CPEB4: variants seen among roughly 807,000 people sequenced by gnomAD.
CPEB4 encodes the protein cytoplasmic polyadenylation element-binding protein 4.
In CPEB4, 12 loss-of-function variants were observed where a neutral mutation model predicts 72.5. The ratio of observed to expected loss-of-function variants is 0.17; its 90% CI spans 0.11 to 0.27. CPEB4 has a LOEUF of 0.27. CPEB4 is among the 10% of genes least tolerant of loss of function. CPEB4 has a pLI of 1.00. For missense variants in CPEB4, 614 were observed against 908.5 expected (o/e 0.68, Z 4.17); for synonymous variants, 302 against 326.3 (o/e 0.93, Z 0.80).
chr5:173,903,592 C>G (rs181612508), intron 1 of CPEB4, among the ~76,000 whole-genome samples: 1 of 152,186 alleles, frequency 6.6e-6, no homozygotes, highest in East Asian at 1.9e-4. Flanking sequence ...GTGATTCTGA[C>G]GTACTCTCAA....
chr5:173,894,976 A>AT (rs1246807442), intron 1 of CPEB4, among the ~76,000 whole-genome samples: 1 of 152,242 alleles, frequency 6.6e-6, no homozygotes, highest in Non-Finnish European at 1.5e-5. Flanking sequence ...TTAAACTTAG[A>AT]TAATATTTTG....
intron 8 of CPEB4, among the ~76,000 whole-genome samples, chr5:173,952,665 T>C (rs1758251129): frequency 6.6e-6 from 1 of 152,192 alleles, no homozygotes; most frequent in South Asian, 2.1e-4. Context: ...ACAAAGAGTC[T>C]ACCAGTTAGT....
chr5:173,890,314 G>A lies in CPEB4; in HGVS notation c.581G>A (p.Gly194Glu), dbSNP rs1755761373. ...NEDASFFHQG[G>E]VPAASANNGA... ...GATGCAAGTTTCTTTCACCAGGGAG[G>A]GGTCCCTGCTGCTTCGGCTAATAAC... The change falls in exon 1 of 10, where the codon GGG becomes GAG. Residue 194 changes from glycine to glutamate, a missense_variant. Around this residue, in one of 5 missense-constraint regions of CPEB4, gnomAD observed 458 missense variants for 548.6 expected, o/e 0.83. Coordinates refer to ENST00000265085, the MANE Select transcript of CPEB4 (RefSeq NM_030627.4). The A allele has an allele frequency of 3.1e-6, 5 of 1,613,970 alleles. No homozygotes were observed. Among genetic ancestry groups the A allele is most frequent in the Admixed American group, 3.3e-5 (2 of 59,990 alleles).
At chr5:173,898,319 TAAAAAA>T (rs1756099524) in intron 1 of CPEB4, among the ~76,000 whole-genome samples, 2 of 152,094 alleles carry the variant, frequency 1.3e-5, no homozygotes, top group Admixed American at 1.3e-4. Flanking sequence ...TATGAGACCT[TAAAAAA>T]ATAAAAATAT....
rs2113108724 is a variant in CPEB4, at chr5:173,889,945, A to G, written c.212A>G (p.Gln71Arg). The G allele has an allele frequency of 6.2e-7, 1 of 1,614,208 alleles. No individual in the cohort carries two copies. ...LFPAPATHNIQDEILGSEKAK... is the reference protein window; with the variant it reads ...LFPAPATHNIRDEILGSEKAK... Reference sequence around the variant, plus strand: ...CCTGCTCCAGCTACCCATAACATTCAGGATGAGATCTTGGGGTCAGAAAAA... The same window carrying G: ...CCTGCTCCAGCTACCCATAACATTCGGGATGAGATCTTGGGGTCAGAAAAA... Residue 71 changes from glutamine to arginine, a missense_variant, in exon 1 of 10, where the codon CAG (glutamine) becomes CGG (arginine). Physicochemically the swap from Gln to Arg is conservative, Grantham distance 43. This residue lies in a region of CPEB4 where 458 missense variants were observed against 548.6 expected (regional missense o/e 0.83). Coordinates refer to ENST00000265085, the MANE Select transcript of CPEB4 (RefSeq NM_030627.4).
chr5:173,904,448 G>C (rs1367140531), intron 1 of CPEB4, among the ~76,000 whole-genome samples: 2 of 152,132 alleles, frequency 1.3e-5, no homozygotes, highest in Non-Finnish European at 2.9e-5. Flanking sequence ...GGAAAAGGAA[G>C]ATAAGATTTC....
chr5:173,904,529 T>C (rs1036076049), intron 1 of CPEB4, among the ~76,000 whole-genome samples: 2 of 152,176 alleles, frequency 1.3e-5, no homozygotes, highest in African/African-American at 2.4e-5. Context: ...AAAGGTAATA[T>C]TTGTATAAGT....
rs1425039356 is a variant in CPEB4 at position 173,955,162 on chromosome 5, T to C, written c.1963-748T>C. Among the ~76,000 whole-genome samples, 1 of 152,204 alleles carries C rather than the reference T, an allele frequency of 6.6e-6. No individual in the cohort carries two copies. Among genetic ancestry groups the C allele is most frequent in the Non-Finnish European group, 1.5e-5 (1 of 68,036 alleles). ...AAATAACCAGCTCTTTTCTAGCTGATGAATTAATAACCAGGTGACTGTTAA... is the reference window on the plus strand; with the variant it reads ...AAATAACCAGCTCTTTTCTAGCTGACGAATTAATAACCAGGTGACTGTTAA... On this transcript the variant is annotated intron_variant, in intron 9 of 9. Coordinates refer to ENST00000265085, the MANE Select transcript of CPEB4 (RefSeq NM_030627.4). This position sits in a 1 kb window ranked among gnomAD's most constrained non-coding sequence, Gnocchi z 4.7.
chr5:173,952,032 C>A (rs1758231965), intron 8 of CPEB4, 94 bp downstream of exon 8: 1 of 813,568 alleles, frequency 1.2e-6, no homozygotes, highest in Non-Finnish European at 2.1e-6. Flanking sequence ...GAGTTAATAT[C>A]CAAGAGTGAG....
At position 173,890,364 on chromosome 5, in the gene CPEB4, C is replaced by A; in HGVS notation, c.631C>A (p.Pro211Thr). ...CGGTGCTCTGTTGTTTCAAAATTTC[C>A]CCCATCATGTCAGCCCTGGCTTTGG... Reference protein sequence around the residue: ...NNGALLFQNFPHHVSPGFGGS... With the variant: ...NNGALLFQNFTHHVSPGFGGS... The change falls in exon 1 of 10, where the codon CCC (proline) becomes ACC (threonine). Residue 211 changes from proline to threonine, a missense_variant. By Grantham distance (38) the Pro-to-Thr change is conservative (BLOSUM62 -1). Coordinates refer to ENST00000265085, the MANE Select transcript of CPEB4 (RefSeq NM_030627.4). 6.2e-7 allele frequency: 1 copy of A among 1,614,078 alleles called. No homozygotes were observed. Among genetic ancestry groups the A allele is most frequent in the Non-Finnish European group, 8.5e-7 (1 of 1,180,020 alleles).
chr5:173,902,764 A>G (rs897701869), intron 1 of CPEB4, among the ~76,000 whole-genome samples: 7 of 152,234 alleles, frequency 4.6e-5, no homozygotes, highest in African/African-American at 1.4e-4. Flanking sequence ...CAAATTTTAC[A>G]AGAAAATTCA....
chr5:173,951,414 T>C (rs1758212722), intron 7 of CPEB4, among the ~76,000 whole-genome samples: 3 of 152,218 alleles, frequency 2.0e-5, no homozygotes, highest in Admixed American at 6.5e-5. Flanking sequence ...TTGCATTTCC[T>C]AGACATACAC....
intron 3 of CPEB4, among the ~76,000 whole-genome samples, chr5:173,941,762 C>T (rs1181408554): frequency 6.6e-6 from 1 of 152,094 alleles, no homozygotes; most frequent in East Asian, 1.9e-4. Flanking sequence ...CCTGTGGTAC[C>T]AGGTACTGGG....
intron 2 of CPEB4, among the ~76,000 whole-genome samples, chr5:173,917,891 G>A (rs563362386): frequency 6.6e-6 from 1 of 152,272 alleles, no homozygotes; most frequent in Admixed American, 6.5e-5. Flanking sequence ...ACTCAGAGTC[G>A]GCCGGCAGCT....
At chr5:173,895,719 C>G (rs555185863) in intron 1 of CPEB4, among the ~76,000 whole-genome samples, 2 of 152,270 alleles carry the variant, frequency 1.3e-5, no homozygotes, top group African/African-American at 4.8e-5. Context: ...GGTTCTAGAT[C>G]TAGCAGAACT....
At chr5:173,917,757 A>T (rs1756924629) in intron 2 of CPEB4, among the ~76,000 whole-genome samples, 1 of 152,186 alleles carries the variant, frequency 6.6e-6, no homozygotes, top group Non-Finnish European at 1.5e-5. Context: ...GAAATGGATA[A>T]CGCAAACCAG....
chr5:173,890,422 C>T lies in CPEB4; in HGVS notation c.689C>T (p.Ser230Leu). Residue 230 changes from serine (S) to leucine (L), a missense_variant, in exon 1 of 10, where the codon TCA (serine) becomes TTA (leucine). Transcript: ENST00000265085. ...TTCTCTCCTCAGATCGGGCCTCTCTCACAGCACCACCCACATCACCCTCAT... is the reference window on the plus strand; with the variant it reads ...TTCTCTCCTCAGATCGGGCCTCTCTTACAGCACCACCCACATCACCCTCAT... Reference protein sequence around the residue: ...GSFSPQIGPLSQHHPHHPHFQ... With the variant: ...GSFSPQIGPLLQHHPHHPHFQ... 1 of 1,613,730 alleles carries T rather than the reference C, an allele frequency of 6.2e-7. No homozygotes were observed. Among genetic ancestry groups the T allele is most frequent in the Non-Finnish European group, 8.5e-7 (1 of 1,179,762 alleles).
At chr5:173,904,727 T>TC (rs35367428) in intron 1 of CPEB4, among the ~76,000 whole-genome samples, 118,762 of 151,684 alleles carry the variant, frequency 0.78, 46,756 homozygotes, top group East Asian at 0.87. Flanking sequence ...TGGGTTTGAA[T>TC]CTGACTATGC....
chr5:173,890,258 A>C lies in CPEB4; in HGVS notation c.525A>C (p.Ile175=). The C allele has an allele frequency of 6.2e-7, 1 of 1,614,082 alleles. No individual in the cohort carries two copies. The highest frequency in any genetic ancestry group is 8.5e-7 in the Non-Finnish European group (1 of 1,179,982). ...LTGFSNWSAA[I]APSSSTIINE... Reference sequence around the variant, plus strand: ...GTTTCAGTAACTGGTCAGCAGCGATAGCGCCTTCCTCCTCTACAATAATCA... The same window carrying C: ...GTTTCAGTAACTGGTCAGCAGCGATCGCGCCTTCCTCCTCTACAATAATCA... The change falls in exon 1 of 10, where the codon ATA becomes ATC. Residue 175 remains isoleucine, a synonymous_variant. Coordinates refer to ENST00000265085, the MANE Select transcript of CPEB4 (RefSeq NM_030627.4).
Sources: gnomAD v4.1 joint callset for allele counts (sites outside exome capture counted in the v4.1 genomes callset) on GRCh38, gnomAD v4.1.1 for gene constraint, gnomAD v4.1.1 regional missense constraint, Gnocchi (gnomAD v3.1) non-coding constraint, MANE v1.5 for transcripts, NCBI Gene and HGNC (gene_info 2026-07-23, HGNC 2026-07-21) for gene names.